SACS: variants seen among roughly 807,000 people sequenced by gnomAD.
The protein encoded by SACS is sacsin molecular chaperone.
A neutral mutation model predicts 348.0 loss-of-function variants in SACS; 197 were observed. The ratio of observed to expected loss-of-function variants is 0.57; its 90% CI spans 0.50 to 0.64. The LOEUF (loss-of-function observed/expected upper bound fraction) is 0.64. SACS is among the 30% of genes least tolerant of loss of function. SACS has a pLI of 0.00. For missense variants in SACS, 4,999 were observed against 5,360.8 expected (o/e 0.93, Z 2.11); for synonymous variants, 1,985 against 1,910.6 (o/e 1.04, Z -1.02).
At chr13:23,367,658 A>G (rs1271496100) in intron 5 of SACS, among the ~76,000 whole-genome samples, 3 of 152,052 alleles carry the variant, frequency 2.0e-5, no homozygotes, top group Admixed American at 6.5e-5. Flanking sequence ...GCAGTGGCGC[A>G]ATCTCGGCTC....
intron 6 of SACS, among the ~76,000 whole-genome samples, chr13:23,359,181 C>CA (rs199715623): frequency 0.027 from 3,985 of 146,412 alleles, 168 homozygotes; most frequent in African/African-American, 0.094. Context: ...GATTCCGTCT[C>CA]AAAAAAAAAG....
At chr13:23,383,305 C>G (rs1036255890) in intron 2 of SACS, among the ~76,000 whole-genome samples, 1 of 152,136 alleles carries the variant, frequency 6.6e-6, no homozygotes, top group Non-Finnish European at 1.5e-5. Flanking sequence ...TCTCTCCTGT[C>G]CCTTACTCAG....
chr13:23,429,795 A>T (rs760156475), intron 1 of SACS, among the ~76,000 whole-genome samples: 1 of 152,206 alleles, frequency 6.6e-6, no homozygotes, highest in Non-Finnish European at 1.5e-5. Context: ...CTCCAAATAC[A>T]TTAAAATCTT....
At chr13:23,421,920 G>T (rs149983561) in intron 1 of SACS, among the ~76,000 whole-genome samples, 1 of 151,654 alleles carries the variant, frequency 6.6e-6, no homozygotes, top group Non-Finnish European at 1.5e-5. Flanking sequence ...GGTGTTCAAC[G>T]GGGGCCCATG....
In SACS at chr13:23,355,490, G is replaced by C. The variant is rs1261457815; in HGVS notation, c.1122C>G (p.His374Gln). 1 of 1,613,824 alleles carries C rather than the reference G, an allele frequency of 6.2e-7. No homozygotes were observed. The highest frequency in any genetic ancestry group is 1.3e-5 in the African/African-American group (1 of 74,854). The change falls in exon 8 of 10, where the codon CAC (histidine) becomes CAG (glutamine). Residue 374 changes from histidine (H) to glutamine (Q), a missense_variant. His to Gln is a conservative substitution (Grantham distance 24, BLOSUM62 0). Transcript: ENST00000382292. ...PSNNITCVTY[H>Q]VNIVLEEEST... ...TCTCCTCTTCTAAAACAATATTTAC[G>C]TGATATGTTACACAGGTGATGTTAT...
chr13:23,414,770 T>C (rs528998506), intron 1 of SACS, among the ~76,000 whole-genome samples: 5 of 152,360 alleles, frequency 3.3e-5, no homozygotes, highest in Admixed American at 2.0e-4. Flanking sequence ...ATCAATCACA[T>C]TTATTCCTGT....
At chr13:23,431,897 G>A (rs1874446800) in intron 1 of SACS, among the ~76,000 whole-genome samples, 1 of 152,230 alleles carries the variant, frequency 6.6e-6, no homozygotes, top group South Asian at 2.1e-4. Flanking sequence ...ACTTTAGCAT[G>A]CTTCACCATG....
At chr13:23,393,962 G>A (rs977993232) in intron 2 of SACS, among the ~76,000 whole-genome samples, 8 of 152,006 alleles carry the variant, frequency 5.3e-5, no homozygotes, top group African/African-American at 1.2e-4. Flanking sequence ...AGGTTTCACC[G>A]TGTTATCCAG....
chr13:23,335,072 G>A lies in SACS; in HGVS notation c.8804C>T (p.Pro2935Leu), dbSNP rs548624914. The A allele has an allele frequency of 3.1e-6, 5 of 1,613,464 alleles. No homozygotes were observed. Among genetic ancestry groups the A allele is most frequent in the East Asian group, 4.5e-5 (2 of 44,880 alleles). ...CACTGATAATGTTGGATCAGAACCA[G>A]GGAAATACCGTTTTTTTAACTGTAT... The part of the protein sequence containing the change: ...LLIQLKKRYF[P>L]GSDPTLSVLQ... Residue 2935 changes from proline to leucine, a missense_variant, in exon 10 of 10, where the codon CCT becomes CTT. By Grantham distance (98) the Pro-to-Leu change is moderately conservative. This residue lies in a region of SACS where 734 missense variants were observed against 694.0 expected (regional missense o/e 1.06). Transcript: ENST00000382292. The surrounding 1 kb of genome is among the most constrained non-coding windows in gnomAD (Gnocchi z 4.7).
At chr13:23,403,917 A>C (rs186516718) in intron 2 of SACS, among the ~76,000 whole-genome samples, 7 of 152,298 alleles carry the variant, frequency 4.6e-5, no homozygotes, top group African/African-American at 1.4e-4. Flanking sequence ...CTGCTTTAGC[A>C]GTATCCCAGA....
chr13:23,403,270 G>A (rs953243710), intron 2 of SACS, among the ~76,000 whole-genome samples: 5 of 152,150 alleles, frequency 3.3e-5, no homozygotes, highest in Non-Finnish European at 5.9e-5. Flanking sequence ...GATGATGCTG[G>A]CTTCATAAAA....
chr13:23,334,929 T>C lies in SACS; in HGVS notation c.8947A>G (p.Asn2983Asp). 1 of 1,613,910 alleles carries C rather than the reference T, an allele frequency of 6.2e-7. No homozygotes were observed. The highest frequency in any genetic ancestry group is 1.3e-5 in the African/African-American group (1 of 75,034). The change falls in exon 10 of 10, where the codon AAT becomes GAT. Residue 2983 changes from asparagine to aspartate, a missense_variant. Asn to Asp is a conservative substitution (Grantham distance 23). Transcript: ENST00000382292. ...DLYCLVKALY[N>D]CIHEDMKRLL... Reference sequence around the variant, plus strand: ...CGTTTCATGTCTTCGTGAATGCAATTGTAAAGTGCTTTCACTAGACAATAT... The same window carrying C: ...CGTTTCATGTCTTCGTGAATGCAATCGTAAAGTGCTTTCACTAGACAATAT...
chr13:23,350,061 G>A (rs1401092154), intron 9 of SACS, among the ~76,000 whole-genome samples: 1 of 152,192 alleles, frequency 6.6e-6, no homozygotes, highest in East Asian at 1.9e-4. Context: ...AAATAATTCT[G>A]AGAAGCAGGC....
In SACS at chr13:23,355,427, A is replaced by G; in HGVS notation, c.1185T>C (p.Cys395=). 2 of 1,614,154 alleles carry G rather than the reference A, an allele frequency of 1.2e-6. No individual in the cohort carries two copies. Among genetic ancestry groups the G allele is most frequent in the South Asian group, 1.1e-5 (1 of 91,086 alleles). ...KDAQKTSWLV[C]NSVGGRGISS... The stretch of plus-strand genomic sequence containing the variant: ...TGATCCCTCGCCCACCCACACTGTT[A>G]CACACCAACCAAGATGTTTTCTGTG... The change falls in exon 8 of 10, where the codon TGT becomes TGC. Residue 395 remains cysteine, a synonymous_variant. Transcript: ENST00000382292.
rs771260573 is a variant in SACS, at chr13:23,332,898, G to T, written c.10978C>A (p.Pro3660Thr). The T allele has an allele frequency of 1.2e-6, 2 of 1,613,734 alleles. No homozygotes were observed. Among genetic ancestry groups the T allele is most frequent in the Admixed American group, 3.3e-5 (2 of 59,962 alleles). Residue 3660 changes from proline (P) to threonine (T), a missense_variant, in exon 10 of 10, where the codon CCC becomes ACC. By Grantham distance (38) the Pro-to-Thr change is conservative (BLOSUM62 -1). Coordinates refer to ENST00000382292, the MANE Select transcript of SACS (RefSeq NM_014363.6). ...GGATGAAATCTAATGAATTCCGCGG[G>T]GGCCCGCTCAGGACATAAGAATGGT... is the stretch of plus-strand genomic sequence containing the variant. Reference protein sequence around the residue: ...LIPFLCPERAPAEFIRFHPQY... With the variant: ...LIPFLCPERATAEFIRFHPQY...
intron 1 of SACS, among the ~76,000 whole-genome samples, chr13:23,426,558 T>C (rs563751317): frequency 4.0e-4 from 61 of 151,214 alleles, no homozygotes; most frequent in African/African-American, 1.4e-3. Context: ...AAGAATTGCT[T>C]GAACTCGGGA....
chr13:23,333,802 G>T lies in SACS; in HGVS notation c.10074C>A (p.Pro3358=). 1 of 1,613,768 alleles carries T rather than the reference G, an allele frequency of 6.2e-7. No individual in the cohort carries two copies. Among genetic ancestry groups the T allele is most frequent in the Non-Finnish European group, 8.5e-7 (1 of 1,179,796 alleles). ...LSCHTANIES[P]TSILKALHYM... ...AATGTAGAGCCTTCAAGATGCTTGT[G>T]GGGCTCTCTATATTTGCTGTGTGAC... The change falls in exon 10 of 10, where the codon CCC becomes CCA. Residue 3358 remains proline (P), a synonymous_variant. Transcript: ENST00000382292.
intron 2 of SACS, among the ~76,000 whole-genome samples, chr13:23,395,598 C>A (rs1236926210): frequency 5.9e-5 from 9 of 152,144 alleles, no homozygotes; most frequent in Non-Finnish European, 1.5e-5. Flanking sequence ...CCTACAATCA[C>A]CGGAATCTTA....
At position 23,413,274 on chromosome 13, in the gene SACS, G is replaced by C. The variant is rs750923305; in HGVS notation, c.-501-1534C>G. Among the ~76,000 whole-genome samples, 3 of 152,286 alleles carry C rather than the reference G, an allele frequency of 2.0e-5. No homozygotes were observed. In the South Asian group the frequency reaches 6.2e-4, roughly 32 times the overall value. On this transcript the variant is annotated intron_variant, in intron 1 of 9. Coordinates refer to ENST00000382292, the MANE Select transcript of SACS (RefSeq NM_014363.6). ...ATTACAGGCATGAGCCACTGCGCCC[G>C]GCCGGCAAACTTTATAAACAATGGT...
Sources: gnomAD v4.1 joint callset for allele counts (sites outside exome capture counted in the v4.1 genomes callset) on GRCh38, gnomAD v4.1.1 for gene constraint, gnomAD v4.1.1 regional missense constraint, Gnocchi (gnomAD v3.1) non-coding constraint, MANE v1.5 for transcripts, NCBI Gene and HGNC (gene_info 2026-07-23, HGNC 2026-07-21) for gene names.